Variants in ZNF827 observed in about 807,000 individuals in gnomAD.
The protein encoded by ZNF827 is zinc finger protein 827.
In ZNF827, 13 loss-of-function variants were observed where a neutral mutation model predicts 102.4. That is an observed-to-expected ratio of 0.13 (90% CI 0.08 to 0.20). The LOEUF (loss-of-function observed/expected upper bound fraction) is 0.20, where lower values mean the gene tolerates loss of function less well. ZNF827 is among the 10% of genes least tolerant of loss of function. The pLI, the probability that ZNF827 is intolerant of heterozygous loss-of-function variation, is 1.00. For synonymous variants in ZNF827, 523 were observed against 536.2 expected (o/e 0.98, Z 0.34); for missense variants, 1,103 against 1,344.4 (o/e 0.82, Z 2.81).
At chr4:145,933,555 A>T (rs1753957881) in intron 1 of ZNF827, among the ~76,000 whole-genome samples, 1 of 152,256 alleles carries the variant, frequency 6.6e-6, no homozygotes, top group Non-Finnish European at 1.5e-5. Context: ...AAAGAATTTT[A>T]AAAAGTTTTG....
chr4:145,855,820 T>A (rs72954667), intron 5 of ZNF827, among the ~76,000 whole-genome samples: 3,042 of 152,310 alleles, frequency 0.02, 95 homozygotes, highest in African/African-American at 0.069. Flanking sequence ...CCTCACCCTA[T>A]GACTGGAGCT....
intron 5 of ZNF827, among the ~76,000 whole-genome samples, chr4:145,855,056 T>C (rs1044142391): frequency 5.9e-5 from 9 of 152,230 alleles, no homozygotes; most frequent in African/African-American, 2.2e-4. Context: ...CGGTGGTGTG[T>C]AATGTTATCC....
rs200461563 is a variant in ZNF827, at chr4:145,885,610, C to CAGAGAGAG, written c.1747+60_1747+67dup. 720 of 1,174,306 alleles carry CAGAGAGAG rather than the reference C, an allele frequency of 6.1e-4. 2 individuals are homozygous for CAGAGAGAG. In the East Asian group the frequency reaches 8.3e-3, roughly 14 times the overall value. 72.7% of individuals were successfully genotyped at this position (1,174,306 alleles called of 1,614,324 possible). ...AAATAAGAATACTGGTAGACAGAGACAGAGAGAGAGAGAGAGAGAGAGAGA... is the reference window on the plus strand; with the variant it reads ...AAATAAGAATACTGGTAGACAGAGACAGAGAGAGAGAGAGAGAGAGAGAGAGAGAGAGA... On this transcript the variant is annotated intron_variant, in intron 4 of 14. Coordinates refer to ENST00000508784, the MANE Select transcript of ZNF827 (RefSeq NM_001306215.2).
At chr4:145,937,320 A>T (rs1174136422) in intron 1 of ZNF827, among the ~76,000 whole-genome samples, 1 of 151,486 alleles carries the variant, frequency 6.6e-6, no homozygotes, top group Non-Finnish European at 1.5e-5. Flanking sequence ...GCTGTGATGC[A>T]CTTTAGTCCT....
intron 1 of ZNF827, among the ~76,000 whole-genome samples, chr4:145,921,425 G>C (rs1231902032): frequency 1.4e-5 from 2 of 144,342 alleles, no homozygotes; most frequent in Non-Finnish European, 3.0e-5. Flanking sequence ...TGTGGAGACT[G>C]GATTACAGAG....
At chr4:145,898,801 A>G (rs1433120556) in intron 2 of ZNF827, among the ~76,000 whole-genome samples, 5 of 152,210 alleles carry the variant, frequency 3.3e-5, no homozygotes, top group Non-Finnish European at 5.9e-5. Context: ...GGCCAAACCT[A>G]AAAGACAATT....
At chr4:145,788,144 C>G (rs1739157759) in intron 8 of ZNF827, among the ~76,000 whole-genome samples, 1 of 152,096 alleles carries the variant, frequency 6.6e-6, no homozygotes, top group African/African-American at 2.4e-5. Flanking sequence ...AAAATCATCC[C>G]AGGAAAACTG....
intron 7 of ZNF827, among the ~76,000 whole-genome samples, chr4:145,838,947 G>A (rs1025020692): frequency 3.9e-5 from 6 of 152,156 alleles, no homozygotes; most frequent in East Asian, 3.8e-4. Context: ...AGGGACAATT[G>A]TAAAAGACAC....
intron 11 of ZNF827, among the ~76,000 whole-genome samples, chr4:145,772,304 A>G (rs902527901): frequency 4.6e-5 from 7 of 152,202 alleles, no homozygotes; most frequent in Admixed American, 4.6e-4. Flanking sequence ...TTGGGAATAT[A>G]TACTGCTATA....
At chr4:145,910,547 C>T (rs1210576399) in intron 1 of ZNF827, among the ~76,000 whole-genome samples, 1 of 152,124 alleles carries the variant, frequency 6.6e-6, no homozygotes, top group African/African-American at 2.4e-5. Context: ...CCATTTCCAC[C>T]ACTACTACTA....
intron 5 of ZNF827, among the ~76,000 whole-genome samples, chr4:145,869,604 T>C (rs1330139135): frequency 6.6e-6 from 1 of 152,186 alleles, no homozygotes; most frequent in East Asian, 1.9e-4. Context: ...AGATAGGAGA[T>C]GACGTGGAAA....
intron 2 of ZNF827, among the ~76,000 whole-genome samples, chr4:145,894,281 G>A (rs1357263033): frequency 7.9e-5 from 12 of 152,162 alleles, no homozygotes; most frequent in African/African-American, 2.9e-4. Flanking sequence ...ATTTGCATAT[G>A]AAAACTTCCT....
chr4:145,775,380 G>A (rs1261497409), intron 10 of ZNF827, among the ~76,000 whole-genome samples: 2 of 151,698 alleles, frequency 1.3e-5, no homozygotes, highest in South Asian at 2.1e-4. Context: ...AATACGTAAC[G>A]CCTTCTGGGC....
chr4:145,835,453 C>T (rs370371427), intron 7 of ZNF827, among the ~76,000 whole-genome samples: 5,313 of 149,648 alleles, frequency 0.036, 254 homozygotes, highest in African/African-American at 0.12. Context: ...ACTTAGACAA[C>T]ACTCTTTTAA....
At chr4:145,768,713 C>T (rs1347954102) in intron 11 of ZNF827, among the ~76,000 whole-genome samples, 2 of 148,848 alleles carry the variant, frequency 1.3e-5, no homozygotes. Flanking sequence ...ATTAAATTAG[C>T]CAGGTGTGGT....
chr4:145,863,821 C>T (rs761932345), intron 5 of ZNF827, among the ~76,000 whole-genome samples: 17 of 152,116 alleles, frequency 1.1e-4, no homozygotes, highest in Non-Finnish European at 2.2e-4. Context: ...GTGATGGTTG[C>T]ACAACTCTGT....
rs564207865 is a variant in ZNF827 at position 145,761,388 on chromosome 4, G to T, written c.*228C>A. On this transcript the variant is annotated 3_prime_UTR_variant, in exon 15 of 15. Transcript: ENST00000508784. The surrounding 1 kb of genome is among the most constrained non-coding windows in gnomAD (Gnocchi z 6.8). The stretch of plus-strand genomic sequence containing the variant: ...CCCCGGTGTGGACGCGCACGTGCTC[G>T]ATGAGCTTGTTGGCGGTCTTGGACA... The T allele has an allele frequency of 1.6e-6, 2 of 1,289,908 alleles. No homozygotes were observed. The highest frequency in any genetic ancestry group is 2.0e-6 in the Non-Finnish European group (2 of 988,878). 79.9% of individuals were successfully genotyped at this position (1,289,908 alleles called of 1,614,324 possible).
At chr4:145,805,822 T>C (rs1293071077) in intron 8 of ZNF827, among the ~76,000 whole-genome samples, 2 of 152,086 alleles carry the variant, frequency 1.3e-5, no homozygotes, top group Non-Finnish European at 2.9e-5. Context: ...CAGGGCCTTG[T>C]TGCTCCCTTT....
At chr4:145,897,502 T>C (rs1196951272) in intron 2 of ZNF827, among the ~76,000 whole-genome samples, 2 of 152,208 alleles carry the variant, frequency 1.3e-5, no homozygotes, top group African/African-American at 4.8e-5. Context: ...CCTACTAACA[T>C]TACCGGTACA....
Sources: gnomAD v4.1 joint callset for allele counts (sites outside exome capture counted in the v4.1 genomes callset) on GRCh38, gnomAD v4.1.1 for gene constraint, Gnocchi (gnomAD v3.1) non-coding constraint, MANE v1.5 for transcripts, NCBI Gene and HGNC (gene_info 2026-07-23, HGNC 2026-07-21) for gene names.